LRRC7: variants seen among roughly 807,000 people sequenced by gnomAD.
LRRC7 encodes leucine-rich repeat-containing protein 7.
A neutral mutation model predicts 175.7 loss-of-function variants in LRRC7; 23 were observed. The ratio of observed to expected loss-of-function variants is 0.13; its 90% CI spans 0.09 to 0.19. LRRC7 has a LOEUF of 0.19. LRRC7 is among the 10% of genes least tolerant of loss of function. LRRC7 has a pLI of 1.00. For missense variants in LRRC7, 1,354 were observed against 1,904.7 expected, an observed-to-expected ratio of 0.71 and a Z score of 5.38; for synonymous variants, 685 against 680.9, an observed-to-expected ratio of 1.01 and a Z score of -0.09.
intron 2 of LRRC7, among the ~76,000 whole-genome samples, chr1:69,712,235 AACACACACACAC>A (rs57948269): frequency 6.6e-6 from 1 of 150,596 alleles, no homozygotes; most frequent in Non-Finnish European, 1.5e-5. Context: ...TGAGAAAAAG[AACACACACACAC>A]ACACACACAC....
rs75572553 is a variant in LRRC7, at chr1:70,031,808, T to A, written c.1995+3437T>A. ...GGATTTTCTTTTTTTTTTTTTTTCC[T>A]TTTTCTTTTGAGACGGAGTCTCGCT... On this transcript the variant is annotated intron_variant, in intron 18 of 26. Coordinates refer to ENST00000651989, the MANE Select transcript of LRRC7 (RefSeq NM_001370785.2). Among the ~76,000 whole-genome samples the A allele has an allele frequency of 3.9e-3, 587 of 151,408 alleles. 1 individual carries two copies. The highest frequency in any genetic ancestry group is 0.013 in the African/African-American group (545 of 41,264).
chr1:69,573,553 G>A (rs1645823618), intron 1 of LRRC7, among the ~76,000 whole-genome samples: 1 of 152,036 alleles, frequency 6.6e-6, no homozygotes, highest in African/African-American at 2.4e-5. Context: ...TTTCAATAAA[G>A]CAAATTTTGA....
chr1:69,745,439 G>T (rs979618843), intron 2 of LRRC7, among the ~76,000 whole-genome samples: 7 of 151,782 alleles, frequency 4.6e-5, no homozygotes, highest in Admixed American at 3.9e-4. Context: ...AATCAGGAAA[G>T]ATGTTCAAAT....
At chr1:69,644,315 CT>C (rs1235961238) in intron 1 of LRRC7, among the ~76,000 whole-genome samples, 1 of 151,752 alleles carries the variant, frequency 6.6e-6, no homozygotes, top group African/African-American at 2.4e-5. Flanking sequence ...TGAGTTTTTG[CT>C]TCGTACATTT....
chr1:70,069,963 A>G (rs1384125522), intron 23 of LRRC7, among the ~76,000 whole-genome samples: 2 of 151,636 alleles, frequency 1.3e-5, no homozygotes, highest in Admixed American at 6.6e-5. Context: ...TCTTCTTTAT[A>G]TCTTCTGTTT....
intron 24 of LRRC7, among the ~76,000 whole-genome samples, chr1:70,082,565 T>C (rs1663278821): frequency 6.6e-6 from 1 of 152,126 alleles, no homozygotes; most frequent in Admixed American, 6.5e-5. Context: ...AATAAAAAGA[T>C]TTATTTCAAT....
intron 1 of LRRC7, among the ~76,000 whole-genome samples, chr1:69,663,006 T>C (rs1454456173): frequency 6.6e-6 from 1 of 152,190 alleles, no homozygotes; most frequent in Admixed American, 6.5e-5. Flanking sequence ...TTTCATGAGG[T>C]TGGATGGTCA....
intron 1 of LRRC7, among the ~76,000 whole-genome samples, chr1:69,665,641 A>G (rs1189156734): frequency 1.3e-5 from 2 of 151,950 alleles, no homozygotes; most frequent in Admixed American, 1.3e-4. Context: ...GTTGGCATAT[A>G]GAGGATACTA....
At chr1:69,748,656 T>A (rs1347839714) in intron 2 of LRRC7, among the ~76,000 whole-genome samples, 1 of 152,272 alleles carries the variant, frequency 6.6e-6, no homozygotes, top group South Asian at 2.1e-4. Flanking sequence ...GACTCATCAT[T>A]AAGAACATAA....
At chr1:70,065,802 A>C (rs571685075) in intron 23 of LRRC7, among the ~76,000 whole-genome samples, 37 of 152,126 alleles carry the variant, frequency 2.4e-4, no homozygotes, top group African/African-American at 8.7e-4. Context: ...TTCTGTCCCC[A>C]TCCATAAAAG....
intron 1 of LRRC7, among the ~76,000 whole-genome samples, chr1:69,674,807 ACTAT>A (rs1479105216): frequency 7.2e-5 from 11 of 152,198 alleles, no homozygotes; most frequent in African/African-American, 2.2e-4. Context: ...CCTCAACAGT[ACTAT>A]CTGTTTTCAT....
At chr1:69,864,594 C>T (rs982608297) in intron 7 of LRRC7, among the ~76,000 whole-genome samples, 11 of 152,092 alleles carry the variant, frequency 7.2e-5, no homozygotes, top group African/African-American at 2.2e-4. Context: ...CTATCCATAG[C>T]CCTGTATTTG....
At chr1:69,882,203 A>G (rs1686689177) in intron 7 of LRRC7, among the ~76,000 whole-genome samples, 1 of 152,134 alleles carries the variant, frequency 6.6e-6, no homozygotes, top group Non-Finnish European at 1.5e-5. Context: ...TAGGATGGGT[A>G]TTATCAAGAA....
intron 1 of LRRC7, among the ~76,000 whole-genome samples, chr1:69,613,040 C>T (rs952738770): frequency 1.3e-5 from 2 of 152,028 alleles, no homozygotes; most frequent in Non-Finnish European, 2.9e-5. Context: ...ATAATCTTGC[C>T]TACCCCACCC....
At chr1:69,610,848 G>T (rs1648610509) in intron 1 of LRRC7, among the ~76,000 whole-genome samples, 1 of 151,842 alleles carries the variant, frequency 6.6e-6, no homozygotes, top group South Asian at 2.1e-4. Flanking sequence ...ATAAACATCT[G>T]CAGACTGAGA....
intron 25 of LRRC7, among the ~76,000 whole-genome samples, chr1:70,092,648 A>G (rs1664114984): frequency 6.6e-6 from 1 of 152,142 alleles, no homozygotes; most frequent in African/African-American, 2.4e-5. Flanking sequence ...CCAGACAGGG[A>G]AAGACTGAAA....
chr1:69,873,310 A>C (rs992278569), intron 7 of LRRC7, among the ~76,000 whole-genome samples: 10 of 152,156 alleles, frequency 6.6e-5, no homozygotes, highest in Non-Finnish European at 7.3e-5. Context: ...ATGCCTCTTT[A>C]CAAAAATATT....
intron 3 of LRRC7, among the ~76,000 whole-genome samples, chr1:69,774,591 C>T (rs1672610019): frequency 6.6e-6 from 1 of 152,156 alleles, no homozygotes; most frequent in African/African-American, 2.4e-5. Context: ...TGCTTCACTA[C>T]AGTAGCCTTT....
chr1:69,745,707 T>A (rs897803810), intron 2 of LRRC7, among the ~76,000 whole-genome samples: 1 of 151,816 alleles, frequency 6.6e-6, no homozygotes, highest in African/African-American at 2.4e-5. Context: ...TAATTCTTAA[T>A]AATATATTTG....
Sources: allele counts gnomAD v4.1 joint callset (sites outside exome capture counted in the v4.1 genomes callset), GRCh38; gene constraint gnomAD v4.1.1; transcripts MANE v1.5; gene names NCBI Gene and HGNC (gene_info 2026-07-23, HGNC 2026-07-21).